Variants in GRIN3A observed in about 807,000 individuals in gnomAD.
GRIN3A encodes the protein glutamate receptor ionotropic, NMDA 3A.
A neutral mutation model predicts 92.4 loss-of-function variants in GRIN3A; 47 were observed. The observed-to-expected ratio is 0.51, with a 90% CI of 0.40 to 0.65. The LOEUF (loss-of-function observed/expected upper bound fraction) is 0.65, where lower values mean the gene tolerates loss of function less well. Among genes scored for constraint, GRIN3A ranks in the 30% least tolerant of loss-of-function variants. The pLI is 0.00. For synonymous variants in GRIN3A, 527 were observed against 540.6 expected, an observed-to-expected ratio of 0.97 and a Z score of 0.35; for missense variants, 1,324 against 1,393.1, an observed-to-expected ratio of 0.95 and a Z score of 0.79.
intron 1 of GRIN3A, among the ~76,000 whole-genome samples, chr9:101,727,595 A>G (rs1228413370): frequency 1.3e-5 from 2 of 152,106 alleles, no homozygotes; most frequent in African/African-American, 4.8e-5. Context: ...CCCACTGGAC[A>G]CATTTTGAGA....
At chr9:101,686,462 G>A (rs1829534704) in intron 2 of GRIN3A, 134 bp downstream of exon 2, 1 of 1,038,524 alleles carries the variant, frequency 9.6e-7, no homozygotes, top group Non-Finnish European at 1.5e-6. Context: ...TATATAACCA[G>A]AAATCCTCTA....
chr9:101,594,585 AG>A, intron 6 of GRIN3A: 1 of 1,614,202 alleles, frequency 6.2e-7, no homozygotes, highest in Non-Finnish European at 8.5e-7. Context: ...AGCACCTGGA[AG>A]AGCTCCCCGT....
At chr9:101,635,872 CT>C (rs1472881475) in intron 3 of GRIN3A, among the ~76,000 whole-genome samples, 1 of 152,152 alleles carries the variant, frequency 6.6e-6, no homozygotes, top group African/African-American at 2.4e-5. Context: ...AGTGGCCCAC[CT>C]ACTCACTTTA....
At chr9:101,576,020 G>C (rs1216971534) in intron 8 of GRIN3A, among the ~76,000 whole-genome samples, 1 of 152,180 alleles carries the variant, frequency 6.6e-6, no homozygotes, top group African/African-American at 2.4e-5. Flanking sequence ...TCTGATATTT[G>C]ATGTGGGTAC....
intron 5 of GRIN3A, among the ~76,000 whole-genome samples, chr9:101,615,367 A>G (rs1367880150): frequency 6.6e-6 from 1 of 150,444 alleles, no homozygotes; most frequent in Non-Finnish European, 1.5e-5. Context: ...TTCAATTTCA[A>G]GAGCACTGAT....
intron 3 of GRIN3A, among the ~76,000 whole-genome samples, chr9:101,659,494 TAC>T (rs1829141621): frequency 1.9e-5 from 1 of 52,124 alleles, no homozygotes. Flanking sequence ...TATTTATTTA[TAC>T]ATAGAAAGTA....
chr9:101,735,398 A>AC (rs138941541), intron 1 of GRIN3A, among the ~76,000 whole-genome samples: 30,568 of 151,112 alleles, frequency 0.2, 4,004 homozygotes, highest in Non-Finnish European at 0.25. Context: ...GACTTTATCC[A>AC]CCCCCCACCC....
At chr9:101,727,924 T>G (rs1237094215) in intron 1 of GRIN3A, among the ~76,000 whole-genome samples, 1 of 151,072 alleles carries the variant, frequency 6.6e-6, no homozygotes, top group Non-Finnish European at 1.5e-5. Flanking sequence ...CATTGAAGCA[T>G]TTCTTTATGT....
intron 1 of GRIN3A, among the ~76,000 whole-genome samples, chr9:101,697,999 C>T (rs893073045): frequency 1.3e-5 from 2 of 152,164 alleles, no homozygotes; most frequent in Non-Finnish European, 2.9e-5. Flanking sequence ...TTAAGCCACA[C>T]ATAATTGCCA....
At chr9:101,617,060 C>T (rs865996660) in intron 5 of GRIN3A, among the ~76,000 whole-genome samples, 1 of 150,084 alleles carries the variant, frequency 6.7e-6, no homozygotes, top group Non-Finnish European at 1.5e-5. Flanking sequence ...ATTAGCCGGG[C>T]GTGGTGGCGG....
rs757723276 is a variant in GRIN3A, at chr9:101,594,881, TG to T, written c.2767-15522del. 5 of 1,601,554 alleles carry T rather than the reference TG, an allele frequency of 3.1e-6. No homozygotes were observed. The Admixed American group carries it at 8.3e-5, about 27-fold the overall frequency. ...CCTTTTAATTTCATCATTGTCAAAG[TG>T]GGAGCACATCTCCGCCGGGTAACTG... On this transcript the variant is annotated intron_variant, in intron 6 of 8. Transcript: ENST00000361820.
intron 6 of GRIN3A, among the ~76,000 whole-genome samples, chr9:101,582,864 G>A (rs913935579): frequency 1.3e-5 from 2 of 152,110 alleles, no homozygotes; most frequent in African/African-American, 4.8e-5. Context: ...GTTTCCTTGT[G>A]CATAACAATG....
At chr9:101,711,515 TG>T (rs1176216399) in intron 1 of GRIN3A, among the ~76,000 whole-genome samples, 1 of 152,172 alleles carries the variant, frequency 6.6e-6, no homozygotes, top group Non-Finnish European at 1.5e-5. Context: ...CTGGTTCTGG[TG>T]GGCTTTGCCA....
intron 3 of GRIN3A, among the ~76,000 whole-genome samples, chr9:101,639,217 G>A (rs544599596): frequency 6.6e-6 from 1 of 152,084 alleles, no homozygotes; most frequent in Non-Finnish European, 1.5e-5. Context: ...TTAAAGGTAA[G>A]TATGATCATA....
At chr9:101,692,771 C>G (rs1295583418) in intron 1 of GRIN3A, among the ~76,000 whole-genome samples, 6 of 152,158 alleles carry the variant, frequency 3.9e-5, no homozygotes, top group Non-Finnish European at 7.3e-5. Context: ...TATCTCACAT[C>G]TCATTTGACC....
intron 6 of GRIN3A, among the ~76,000 whole-genome samples, chr9:101,581,283 CAA>C (rs1272860849): frequency 1.3e-5 from 2 of 151,848 alleles, no homozygotes; most frequent in Non-Finnish European, 2.9e-5. Flanking sequence ...GTAGCATAAA[CAA>C]AGGAAAAAAG....
At chr9:101,612,936 A>C (rs1828385610) in intron 6 of GRIN3A, among the ~76,000 whole-genome samples, 1 of 152,248 alleles carries the variant, frequency 6.6e-6, no homozygotes. Context: ...TTCTACATCC[A>C]CAAAGGCTTT....
intron 3 of GRIN3A, among the ~76,000 whole-genome samples, chr9:101,669,690 A>G (rs1321643151): frequency 6.6e-6 from 1 of 152,140 alleles, no homozygotes; most frequent in African/African-American, 2.4e-5. Flanking sequence ...AATTCCCAAG[A>G]TAAGTAATTC....
chr9:101,595,021 T>G (rs1030114886), intron 6 of GRIN3A: 117 of 1,215,496 alleles, frequency 9.6e-5, no homozygotes, highest in African/African-American at 6.0e-4. Flanking sequence ...GGCCATGGGG[T>G]GGGGGTAGAG....
Sources: allele counts gnomAD v4.1 joint callset (sites outside exome capture counted in the v4.1 genomes callset), GRCh38; gene constraint gnomAD v4.1.1; transcripts MANE v1.5; gene names NCBI Gene and HGNC (gene_info 2026-07-23, HGNC 2026-07-21).